ABCA13: variants seen among roughly 807,000 people sequenced by gnomAD.
The protein encoded by ABCA13 is ATP-binding cassette sub-family A member 13.
ABCA13 carries 476 observed loss-of-function variants against 478.7 expected under a neutral mutation model. The observed-to-expected ratio is 0.99, with a 90% CI of 0.92 to 1.07. ABCA13 has a LOEUF of 1.07. Ranked by LOEUF, ABCA13 falls within the 50% of genes least tolerant of loss-of-function variation. ABCA13 has a pLI of 0.00. For synonymous variants in ABCA13, 2,252 were observed against 2,158.9 expected (o/e 1.04, Z -1.20); for missense variants, 6,060 against 5,910.6 (o/e 1.03, Z -0.83).
intron 48 of ABCA13, among the ~76,000 whole-genome samples, chr7:48,502,990 A>G (rs1007395270): frequency 6.6e-6 from 1 of 152,188 alleles, no homozygotes; most frequent in Non-Finnish European, 1.5e-5. Context: ...CTAAGATCTA[A>G]TTTCTCAGCA....
At chr7:48,630,931 T>A (rs1311923993) in intron 59 of ABCA13, among the ~76,000 whole-genome samples, 1 of 152,090 alleles carries the variant, frequency 6.6e-6, no homozygotes, top group Non-Finnish European at 1.5e-5. Flanking sequence ...TTTTTTCATA[T>A]GTTTGTTGGC....
chr7:48,447,315 G>T (rs1824424551), intron 42 of ABCA13, among the ~76,000 whole-genome samples: 1 of 152,176 alleles, frequency 6.6e-6, no homozygotes, highest in Non-Finnish European at 1.5e-5. Flanking sequence ...GCCTAGGAGA[G>T]TTGGGTAGGG....
chr7:48,602,436 G>T (rs556240413), intron 58 of ABCA13, among the ~76,000 whole-genome samples: 1 of 152,180 alleles, frequency 6.6e-6, no homozygotes, highest in East Asian at 1.9e-4. Flanking sequence ...TCAGCTTTCT[G>T]CATATAGCTA....
intron 43 of ABCA13, among the ~76,000 whole-genome samples, chr7:48,463,102 G>C (rs979129742): frequency 3.9e-5 from 6 of 152,088 alleles, no homozygotes; most frequent in African/African-American, 1.4e-4. Flanking sequence ...GTAGGCATGT[G>C]CTTCTCTGTT....
At chr7:48,570,672 T>C (rs749982860) in intron 55 of ABCA13, among the ~76,000 whole-genome samples, 2 of 152,118 alleles carry the variant, frequency 1.3e-5, no homozygotes, top group Non-Finnish European at 2.9e-5. Context: ...AAAGTGTATA[T>C]TTTATAGACA....
chr7:48,278,507 T>C lies in ABCA13; in HGVS notation c.7313T>C (p.Phe2438Ser), dbSNP rs758991634. The change falls in exon 18 of 62, where the codon TTC (phenylalanine) becomes TCC (serine). Residue 2438 changes from phenylalanine to serine, a missense_variant. Phe to Ser is a radical substitution (Grantham distance 155, BLOSUM62 -2). This residue lies in a region of ABCA13 where 4,423 missense variants were observed against 4,309.1 expected (regional missense o/e 1.03). Coordinates refer to ENST00000435803, the MANE Select transcript of ABCA13 (RefSeq NM_152701.5). ...ATTTTACACTCTCCTAATAAGGACT[T>C]CTATGCTTTGTATCCTACCCTCCAA... ...DTILHSPNKD[F>S]YALYPTLQEV... 3 of 1,613,928 alleles carry C rather than the reference T, an allele frequency of 1.9e-6. No individual in the cohort carries two copies. The highest frequency in any genetic ancestry group is 1.1e-5 in the South Asian group (1 of 91,082).
Position 48,292,191 on chromosome 7 carries a change from GA to G in ABCA13, c.8956-3501del, listed in dbSNP as rs200561822. ...GCAGGCCCCTCAACTTTACTCATCT[GA>G]AAAAAAACCTCTTCATCTTTCCATG... On this transcript the variant is annotated intron_variant, in intron 20 of 61. Transcript: ENST00000435803. 1.6e-3 allele frequency among the ~76,000 whole-genome samples: 246 copies of G among 151,854 alleles called. 2 individuals carry two copies. Among genetic ancestry groups the G allele is most frequent in the African/African-American group, 5.5e-3 (226 of 41,414 alleles).
chr7:48,368,071 A>G (rs1323253906), intron 32 of ABCA13, among the ~76,000 whole-genome samples, 163 bp downstream of exon 32: 2 of 152,076 alleles, frequency 1.3e-5, no homozygotes, highest in South Asian at 2.1e-4. Context: ...CAGAAAGAAG[A>G]TTTTATGTTG....
chr7:48,306,929 A>C (rs1800986155), intron 23 of ABCA13, among the ~76,000 whole-genome samples: 1 of 152,232 alleles, frequency 6.6e-6, no homozygotes, highest in Non-Finnish European at 1.5e-5. Context: ...AGTCAGCCTT[A>C]TCCAATCAGT....
At chr7:48,413,764 T>C (rs1416570568) in intron 41 of ABCA13, among the ~76,000 whole-genome samples, 1 of 152,210 alleles carries the variant, frequency 6.6e-6, no homozygotes, top group African/African-American at 2.4e-5. Flanking sequence ...TAAATAGTCA[T>C]AAAAGATTGT....
At chr7:48,621,191 CA>C (rs5884054) in intron 59 of ABCA13, among the ~76,000 whole-genome samples, 38,757 of 152,060 alleles carry the variant, frequency 0.25, 5,287 homozygotes, top group Middle Eastern at 0.37. Context: ...CTGGCTTTTT[CA>C]TTGCTTGGCA....
intron 51 of ABCA13, among the ~76,000 whole-genome samples, chr7:48,514,293 A>G (rs532399760): frequency 1.4e-4 from 21 of 152,322 alleles, no homozygotes; most frequent in African/African-American, 5.1e-4. Flanking sequence ...AAGTCCCACA[A>G]TGCAAAATTT....
chr7:48,519,663 A>G (rs74812442), intron 52 of ABCA13, among the ~76,000 whole-genome samples: 253 of 152,270 alleles, frequency 1.7e-3, no homozygotes, highest in Non-Finnish European at 2.9e-3. Flanking sequence ...TCGAACACTT[A>G]TGGATTGTTA....
At position 48,248,381 on chromosome 7, in the gene ABCA13, C is replaced by G. The variant is rs1309404469; in HGVS notation, c.1802C>G (p.Ala601Gly). ...SCTRLFLLLG[A>G]DPSPENDVFS... ...ACTCGGCTCTTCCTGCTGCTGGGAGCTGATCCCTCTCCTGAGAATGATGTC... is the reference window on the plus strand; with the variant it reads ...ACTCGGCTCTTCCTGCTGCTGGGAGGTGATCCCTCTCCTGAGAATGATGTC... Residue 601 changes from alanine to glycine, a missense_variant, in exon 14 of 62, where the codon GCT becomes GGT. Ala to Gly is a moderately conservative substitution (Grantham distance 60, BLOSUM62 0). Around this residue, in one of 3 missense-constraint regions of ABCA13, gnomAD observed 4,423 missense variants for 4,309.1 expected, o/e 1.03. Coordinates refer to ENST00000435803, the MANE Select transcript of ABCA13 (RefSeq NM_152701.5). 1 of 1,613,546 alleles carries G rather than the reference C, an allele frequency of 6.2e-7. No homozygotes were observed. Among genetic ancestry groups the G allele is most frequent in the East Asian group, 2.2e-5 (1 of 44,886 alleles).
chr7:48,179,002 A>G (rs1409008731), intron 1 of ABCA13, among the ~76,000 whole-genome samples: 1 of 148,044 alleles, frequency 6.8e-6, no homozygotes, highest in Non-Finnish European at 1.5e-5. Context: ...AATAATAATA[A>G]TAATAATAAT....
At chr7:48,427,745 G>T in intron 41 of ABCA13, 21 bp from the exon 42 acceptor site, 1 of 1,492,000 alleles carries the variant, frequency 6.7e-7, no homozygotes, top group Non-Finnish European at 9.3e-7. Flanking sequence ...ATAATACATG[G>T]CGTTTTTTTT....
At chr7:48,428,723 A>T (rs1271046046) in intron 42 of ABCA13, among the ~76,000 whole-genome samples, 1 of 152,174 alleles carries the variant, frequency 6.6e-6, no homozygotes, top group Non-Finnish European at 1.5e-5. Context: ...GTAGTTTCTC[A>T]TTGTGGTTTT....
chr7:48,289,382 G>A (rs1798199478), intron 20 of ABCA13, among the ~76,000 whole-genome samples: 1 of 143,008 alleles, frequency 7.0e-6, no homozygotes, highest in Admixed American at 7.0e-5. Context: ...TTTTTGAAAC[G>A]GAGTCTTGCA....
chr7:48,230,060 A>C, intron 7 of ABCA13, 105 bp downstream of exon 7: 2 of 1,314,216 alleles, frequency 1.5e-6, no homozygotes, highest in South Asian at 1.9e-5. Context: ...ATTTAATTAA[A>C]ATTTCAAATT....
Sources: gnomAD v4.1 joint callset for allele counts (sites outside exome capture counted in the v4.1 genomes callset) on GRCh38, gnomAD v4.1.1 for gene constraint, gnomAD v4.1.1 regional missense constraint, MANE v1.5 for transcripts, NCBI Gene and HGNC (gene_info 2026-07-23, HGNC 2026-07-21) for gene names.